The following HECW2 variants were observed in gnomAD, a reference collection of about 807,000 sequenced individuals.
HECW2 encodes the protein HECT, C2 and WW domain containing E3 ubiquitin protein ligase 2, also known as E3 ubiquitin-protein ligase HECW2.
In HECW2, 61 loss-of-function variants were observed where a neutral mutation model predicts 175.2. The observed-to-expected ratio is 0.35, with a 90% CI of 0.28 to 0.43. The LOEUF (loss-of-function observed/expected upper bound fraction) is 0.43, where lower values mean the gene tolerates loss of function less well. Ranked by LOEUF, HECW2 falls within the 20% of genes least tolerant of loss-of-function variation. The pLI is 1.00. For synonymous variants in HECW2, 671 were observed against 731.0 expected (o/e 0.92, Z 1.32); for missense variants, 1,524 against 2,000.5 (o/e 0.76, Z 4.54).
intron 14 of HECW2, chr2:196,292,364 C>T (rs891059667): frequency 2.8e-5 from 14 of 506,948 alleles, no homozygotes; most frequent in African/African-American, 1.2e-4. Flanking sequence ...GCCCTCCCTC[C>T]GCTCCCTCCA....
At chr2:196,315,861 T>A (rs974265997) in intron 10 of HECW2, 2 of 152,194 alleles carry the variant, frequency 1.3e-5, no homozygotes, top group Non-Finnish European at 2.9e-5. Flanking sequence ...ACGTGATTTA[T>A]CAACACACTT....
intron 2 of HECW2, among the ~76,000 whole-genome samples, chr2:196,414,203 C>G (rs1695193268): frequency 6.6e-6 from 1 of 152,212 alleles, no homozygotes; most frequent in South Asian, 2.1e-4. Flanking sequence ...GCACAGCTGT[C>G]AGTTAGCTTG....
chr2:196,331,768 A>G (rs1258376692), intron 4 of HECW2, among the ~76,000 whole-genome samples: 1 of 152,244 alleles, frequency 6.6e-6, no homozygotes, highest in Non-Finnish European at 1.5e-5. Context: ...AATCATATCC[A>G]AATAATTCAA....
At chr2:196,513,779 T>A (rs1179528974) in intron 1 of HECW2, among the ~76,000 whole-genome samples, 1 of 152,232 alleles carries the variant, frequency 6.6e-6, no homozygotes, top group East Asian at 1.9e-4. Context: ...CCAGTGGTGC[T>A]CAAAGAGGGG....
At chr2:196,582,009 T>C (rs1316077174) in intron 1 of HECW2, among the ~76,000 whole-genome samples, 2 of 151,940 alleles carry the variant, frequency 1.3e-5, no homozygotes, top group African/African-American at 4.8e-5. Flanking sequence ...GAGCTTGCAG[T>C]GAGCTGAGAT....
At position 196,211,534 on chromosome 2, in the gene HECW2, C is replaced by A. The variant is rs142622680; in HGVS notation, c.4607+4331G>T. ...TCATAACCACAAGAGGAAAAAAGAG[C>A]CATGGATTCAACTTGCACTGGCTGC... On this transcript the variant is annotated intron_variant, in intron 28 of 28. Transcript: ENST00000644978. 1.8e-3 allele frequency among the ~76,000 whole-genome samples: 270 copies of A among 152,214 alleles called. 2 individuals carry two copies. Among genetic ancestry groups the A allele is most frequent in the African/African-American group, 6.1e-3 (255 of 41,512 alleles).
chr2:196,558,973 TA>T, intron 1 of HECW2, among the ~76,000 whole-genome samples: 1 of 152,188 alleles, frequency 6.6e-6, no homozygotes, highest in Non-Finnish European at 1.5e-5. Context: ...GGCACTATAT[TA>T]GGCTCTTAAT....
chr2:196,467,487 C>T (rs896595557), intron 1 of HECW2, among the ~76,000 whole-genome samples: 2 of 152,068 alleles, frequency 1.3e-5, no homozygotes, highest in African/African-American at 4.8e-5. Flanking sequence ...AAGGAAGACA[C>T]GGAGGCTCAA....
intron 14 of HECW2, among the ~76,000 whole-genome samples, chr2:196,282,730 T>C (rs1395487554): frequency 6.6e-6 from 1 of 152,186 alleles, no homozygotes; most frequent in Non-Finnish European, 1.5e-5. Context: ...GAATAGACTG[T>C]AAATATTTCT....
At chr2:196,349,120 T>G (rs1265855750) in intron 2 of HECW2, among the ~76,000 whole-genome samples, 1 of 152,224 alleles carries the variant, frequency 6.6e-6, no homozygotes, top group Non-Finnish European at 1.5e-5. Flanking sequence ...TTTAACCTTT[T>G]TCTCTAGAGG....
At chr2:196,566,699 A>ATTTTTTTTTTTTTTTTTTTTTTTTTT (rs58391487) in intron 1 of HECW2, among the ~76,000 whole-genome samples, 1 of 94,206 alleles carries the variant, frequency 1.1e-5, no homozygotes, top group Non-Finnish European at 2.0e-5. Context: ...CACCCAGCTA[A>ATTTTTTTTTTTTTTTTTTTTTTTTTT]TTTTTTTTTT....
At chr2:196,229,230 T>TCTCCTTCTTCCTCTTTTCTC (rs1687960276) in intron 21 of HECW2, among the ~76,000 whole-genome samples, 2 of 152,134 alleles carry the variant, frequency 1.3e-5, no homozygotes, top group African/African-American at 2.4e-5. Context: ...AGACTTTTCT[T>TCTCCTTCTTCCTCTTTTCTC]CTCCTTCTTC....
intron 4 of HECW2, among the ~76,000 whole-genome samples, chr2:196,332,466 A>G (rs570130552): frequency 1.3e-5 from 2 of 152,318 alleles, no homozygotes; most frequent in East Asian, 3.9e-4. Flanking sequence ...CTCTGAACCA[A>G]AATACACTAT....
chr2:196,447,277 C>T (rs1359487943), intron 1 of HECW2, among the ~76,000 whole-genome samples: 1 of 152,072 alleles, frequency 6.6e-6, no homozygotes, highest in Non-Finnish European at 1.5e-5. Flanking sequence ...ACTCTATTAA[C>T]GGGCTGACAA....
intron 1 of HECW2, among the ~76,000 whole-genome samples, chr2:196,477,412 TAA>T (rs1357673081): frequency 6.6e-6 from 1 of 152,194 alleles, no homozygotes; most frequent in African/African-American, 2.4e-5. Flanking sequence ...ACATGCTTTT[TAA>T]AATAAAGAAA....
intron 2 of HECW2, among the ~76,000 whole-genome samples, chr2:196,346,932 C>T (rs561222643): frequency 2.7e-5 from 4 of 147,126 alleles, no homozygotes; most frequent in South Asian, 2.2e-4. Flanking sequence ...TGCTTGAACC[C>T]GAGAGGTGGA....
chr2:196,559,986 G>T (rs565336583), intron 1 of HECW2, among the ~76,000 whole-genome samples: 1 of 152,270 alleles, frequency 6.6e-6, no homozygotes, highest in African/African-American at 2.4e-5. Context: ...CACTTGCAGA[G>T]AGGGACGGTC....
chr2:196,403,247 C>CAG (rs10699290), intron 2 of HECW2, among the ~76,000 whole-genome samples: 38,862 of 151,860 alleles, frequency 0.26, 5,309 homozygotes, highest in African/African-American at 0.34. Context: ...CAACTAAATG[C>CAG]TGTATTTTGA....
chr2:196,550,047 G>A (rs1438704717), intron 1 of HECW2, among the ~76,000 whole-genome samples: 1 of 152,206 alleles, frequency 6.6e-6, no homozygotes, highest in African/African-American at 2.4e-5. Context: ...TGACTTTAGA[G>A]GCTTGACCAA....
Sources: allele counts gnomAD v4.1 joint callset (sites outside exome capture counted in the v4.1 genomes callset), GRCh38; gene constraint gnomAD v4.1.1; transcripts MANE v1.5; gene names NCBI Gene and HGNC (gene_info 2026-07-23, HGNC 2026-07-21).